FHIT: variants seen among roughly 807,000 people sequenced by gnomAD.
FHIT encodes the protein fragile histidine triad diadenosine triphosphatase, also known as bis(5'-adenosyl)-triphosphatase.
FHIT carries 19 observed loss-of-function variants against 17.9 expected under a neutral mutation model. The ratio of observed to expected loss-of-function variants is 1.06; its 90% confidence interval spans 0.74 to 1.56. The LOEUF is 1.56. FHIT is among the 40% of genes most tolerant of loss of function. The probability of loss-of-function intolerance (pLI) is 0.00; values close to 1 mark genes in which losing one functional copy is unlikely to be tolerated. For missense variants in FHIT, 248 were observed against 189.2 expected (o/e 1.31, Z -1.82); for synonymous variants, 81 against 69.7 (o/e 1.16, Z -0.81).
intron 8 of FHIT, among the ~76,000 whole-genome samples, chr3:59,883,203 A>C (rs1703479660): frequency 6.6e-6 from 1 of 152,220 alleles, no homozygotes; most frequent in African/African-American, 2.4e-5. Context: ...CAAAGGGAAG[A>C]AAATATTAAA....
At chr3:60,053,194 T>C (rs1387492198) in intron 5 of FHIT, among the ~76,000 whole-genome samples, 1 of 151,780 alleles carries the variant, frequency 6.6e-6, no homozygotes, top group African/African-American at 2.4e-5. Context: ...CCAGTTTAGA[T>C]GTCACCTCCA....
At chr3:61,027,294 CCAGGCTGGTCTCG>C (rs1204669434) in intron 3 of FHIT, among the ~76,000 whole-genome samples, 1 of 152,154 alleles carries the variant, frequency 6.6e-6, no homozygotes, top group African/African-American at 2.4e-5. Context: ...GCCATGTTGG[CCAGGCTGGTCTCG>C]AACTCCTGAC....
At chr3:60,789,550 C>T (rs1372719007) in intron 4 of FHIT, among the ~76,000 whole-genome samples, 4 of 152,016 alleles carry the variant, frequency 2.6e-5, no homozygotes, top group African/African-American at 9.7e-5. Context: ...CAAGGTTAAC[C>T]TGCCCCGTTT....
At chr3:60,087,856 A>G (rs191837830) in intron 5 of FHIT, among the ~76,000 whole-genome samples, 54 of 151,728 alleles carry the variant, frequency 3.6e-4, no homozygotes, top group Admixed American at 1.7e-3. Flanking sequence ...AGACCTCCAA[A>G]CTCTTCCGAC....
intron 5 of FHIT, among the ~76,000 whole-genome samples, chr3:60,033,287 G>A (rs113114286): frequency 1.3e-5 from 2 of 152,120 alleles, no homozygotes. Flanking sequence ...CCTGAGGCCA[G>A]GAGTTCAAGA....
rs540495019 is a variant in FHIT at position 60,073,336 on chromosome 3, C to T, written c.104-59184G>A. ...TTGGGAAAGGGGATTGCCTTACTCA[C>T]TCACCTTGCCTTATCATCTTACAAA... is the stretch of plus-strand genomic sequence containing the variant. On this transcript the variant is annotated intron_variant, in intron 5 of 9. Coordinates refer to ENST00000492590, the MANE Select transcript of FHIT (RefSeq NM_002012.4). Among the ~76,000 whole-genome samples the T allele has an allele frequency of 3.3e-5, 5 of 152,166 alleles. No homozygotes were observed. The East Asian group carries it at 9.7e-4, about 29-fold the overall frequency.
intron 8 of FHIT, among the ~76,000 whole-genome samples, chr3:59,908,673 T>C (rs1302259849): frequency 6.6e-6 from 1 of 151,872 alleles, no homozygotes; most frequent in Non-Finnish European, 1.5e-5. Context: ...GGCCCCAGAA[T>C]ACAGAATCTG....
chr3:60,187,959 G>C (rs1702229924), intron 5 of FHIT, among the ~76,000 whole-genome samples: 1 of 152,098 alleles, frequency 6.6e-6, no homozygotes, highest in Non-Finnish European at 1.5e-5. Flanking sequence ...ATGGTTATTA[G>C]ATGACAATAA....
intron 5 of FHIT, among the ~76,000 whole-genome samples, chr3:60,455,795 T>C (rs1206376987): frequency 2.0e-5 from 3 of 152,090 alleles, no homozygotes; most frequent in Non-Finnish European, 4.4e-5. Flanking sequence ...GGAAAATTAT[T>C]TGAATAAACA....
chr3:60,774,493 G>A (rs1700152876), intron 4 of FHIT, among the ~76,000 whole-genome samples: 1 of 152,000 alleles, frequency 6.6e-6, no homozygotes, highest in South Asian at 2.1e-4. Context: ...TAGAGATGGG[G>A]TTTCACCATG....
chr3:60,777,397 C>T (rs181373220), intron 4 of FHIT, among the ~76,000 whole-genome samples: 246 of 152,220 alleles, frequency 1.6e-3, no homozygotes, highest in African/African-American at 5.5e-3. Flanking sequence ...TTCTGGATGA[C>T]GGTTGAGTTT....
At chr3:60,118,286 T>TC (rs1440220276) in intron 5 of FHIT, among the ~76,000 whole-genome samples, 1 of 151,596 alleles carries the variant, frequency 6.6e-6, no homozygotes, top group Non-Finnish European at 1.5e-5. Flanking sequence ...TTTAATTTTT[T>TC]TTTTTTTTTT....
chr3:60,414,419 T>C (rs867989036), intron 5 of FHIT, among the ~76,000 whole-genome samples: 1 of 152,294 alleles, frequency 6.6e-6, no homozygotes, highest in South Asian at 2.1e-4. Flanking sequence ...TGACACATGC[T>C]CAGTGACAAT....
At chr3:60,805,617 G>A (rs1013932313) in intron 4 of FHIT, among the ~76,000 whole-genome samples, 4 of 151,900 alleles carry the variant, frequency 2.6e-5, no homozygotes, top group Non-Finnish European at 5.9e-5. Flanking sequence ...GTGCAGTGGC[G>A]CAATCTCGGC....
intron 2 of FHIT, among the ~76,000 whole-genome samples, chr3:61,176,180 A>G (rs901966632): frequency 2.0e-5 from 3 of 152,260 alleles, no homozygotes; most frequent in African/African-American, 7.2e-5. Flanking sequence ...TTGAATAACT[A>G]TCTCCAGAGT....
rs1297880191 is a variant in FHIT at position 60,926,592 on chromosome 3, C to T, written c.-110-104581G>A. 4.6e-5 allele frequency among the ~76,000 whole-genome samples: 7 copies of T among 152,234 alleles called. No individual in the cohort carries two copies. The South Asian group carries it at 8.3e-4, about 18-fold the overall frequency. On this transcript the variant is annotated intron_variant, in intron 3 of 9. Transcript: ENST00000492590. ...GGAAATTTATAGCACTAAATGCCCA[C>T]AAGAGAAATCAGGAAAGATCTAAAA...
intron 4 of FHIT, among the ~76,000 whole-genome samples, chr3:60,557,376 G>A (rs1467324080): frequency 6.6e-6 from 1 of 152,018 alleles, no homozygotes; most frequent in East Asian, 1.9e-4. Flanking sequence ...CATCCTGGTG[G>A]GTGAGCGGAG....
chr3:60,282,737 A>G (rs958190827), intron 5 of FHIT, among the ~76,000 whole-genome samples: 2 of 152,092 alleles, frequency 1.3e-5, no homozygotes, highest in Non-Finnish European at 2.9e-5. Context: ...TATCTGCACA[A>G]TTTTTCTGAA....
At chr3:60,325,443 CATT>C (rs1255245118) in intron 5 of FHIT, among the ~76,000 whole-genome samples, 1 of 152,112 alleles carries the variant, frequency 6.6e-6, no homozygotes, top group African/African-American at 2.4e-5. Context: ...GGCTTACATA[CATT>C]TTTTTCAATG....
Sources: allele counts gnomAD v4.1 joint callset (sites outside exome capture counted in the v4.1 genomes callset), GRCh38; gene constraint gnomAD v4.1.1; transcripts MANE v1.5; gene names NCBI Gene and HGNC (gene_info 2026-07-23, HGNC 2026-07-21).